OSBPL3: variants seen among roughly 807,000 people sequenced by gnomAD.
The protein encoded by OSBPL3 is oxysterol binding protein like 3.
OSBPL3 carries 65 observed loss-of-function variants against 120.1 expected under a neutral mutation model. The observed-to-expected ratio is 0.54, with a 90% CI of 0.44 to 0.67. The LOEUF (loss-of-function observed/expected upper bound fraction) is 0.67. Among genes scored for constraint, OSBPL3 ranks in the 30% least tolerant of loss-of-function variants. OSBPL3 has a pLI of 0.00. For synonymous variants in OSBPL3, 416 were observed against 402.6 expected (o/e 1.03, Z -0.40); for missense variants, 1,004 against 1,082.1 (o/e 0.93, Z 1.01).
At chr7:24,962,452 A>AGAGAGGAGGG in intron 1 of OSBPL3, among the ~76,000 whole-genome samples, 2 of 130,308 alleles carry the variant, frequency 1.5e-5, no homozygotes, top group Non-Finnish European at 3.3e-5. Context: ...AGAGAGGAGG[A>AGAGAGGAGGG]GAGAGGAGGA....
intron 1 of OSBPL3, among the ~76,000 whole-genome samples, chr7:24,957,604 CACTTAATGTTCTCTAA>C (rs1815221990): frequency 6.6e-6 from 1 of 152,112 alleles, no homozygotes; most frequent in South Asian, 2.1e-4. Context: ...TTAAATAATA[CACTTAATGTTCTCTAA>C]TATCAACCAC....
rs1423892133 is a variant in OSBPL3, at chr7:24,817,838, T to C, written c.1949-1150A>G. ...ACTAGGTGACAAGTTAGATACAGAC[T>C]GAAAAAGAACGAATTTATGAACAAT... On this transcript the variant is annotated intron_variant, in intron 17 of 22. Coordinates refer to ENST00000313367, the MANE Select transcript of OSBPL3 (RefSeq NM_015550.4). The surrounding 1 kb of genome is among the most constrained non-coding windows in gnomAD (Gnocchi z 4.0). Among the ~76,000 whole-genome samples the C allele has an allele frequency of 6.6e-6, 1 of 152,152 alleles. No homozygotes were observed. The highest frequency in any genetic ancestry group is 1.9e-4 in the East Asian group (1 of 5,200).
chr7:24,914,653 AAAGT>A (rs1181155006), intron 1 of OSBPL3, among the ~76,000 whole-genome samples: 1 of 152,166 alleles, frequency 6.6e-6, no homozygotes, highest in Non-Finnish European at 1.5e-5. Flanking sequence ...GAGTCACCAC[AAAGT>A]AAGATGGCCA....
chr7:24,950,191 C>T (rs565640030), intron 1 of OSBPL3, among the ~76,000 whole-genome samples: 1 of 152,272 alleles, frequency 6.6e-6, no homozygotes, highest in Non-Finnish European at 1.5e-5. Context: ...ATTAGTAATG[C>T]AATTAAGGCT....
At position 24,930,003 on chromosome 7, in the gene OSBPL3, T is replaced by C. The variant is rs1407624304; in HGVS notation, c.-149-37382A>G. 6.6e-6 allele frequency among the ~76,000 whole-genome samples: 1 copy of C among 152,156 alleles called. No homozygotes were observed. The highest frequency in any genetic ancestry group is 1.5e-5 in the Non-Finnish European group (1 of 68,026). ...TAGTCTTCACCTCTCTGGGTTCTCA[T>C]AGAGCAAGGTAAGGGTAAAGTAAAG... On this transcript the variant is annotated intron_variant, in intron 1 of 22. Transcript: ENST00000313367. The surrounding 1 kb of genome is among the most constrained non-coding windows in gnomAD (Gnocchi z 4.4).
At chr7:24,812,304 CAAA>C (rs57963279) in intron 19 of OSBPL3, among the ~76,000 whole-genome samples, 11 of 97,012 alleles carry the variant, frequency 1.1e-4, no homozygotes, top group African/African-American at 2.9e-4. Context: ...GACTCCATCT[CAAA>C]AAAAAAAAAA....
chr7:24,870,251 T>C (rs1801913608), intron 5 of OSBPL3, among the ~76,000 whole-genome samples: 1 of 152,174 alleles, frequency 6.6e-6, no homozygotes, highest in Non-Finnish European at 1.5e-5. Context: ...TTTGAAGTAC[T>C]ATTTGGGAAC....
rs1458222781 is a variant in OSBPL3, at chr7:24,819,199, G to A, written c.1948+976C>T. On this transcript the variant is annotated intron_variant, in intron 17 of 22. Coordinates refer to ENST00000313367, the MANE Select transcript of OSBPL3 (RefSeq NM_015550.4). This position sits in a 1 kb window ranked among gnomAD's most constrained non-coding sequence, Gnocchi z 4.1. ...ACACGGGAGACGGAGGTTGCAGTGA[G>A]CCGAGATCGCACCACTGCACTCCAG... Among the ~76,000 whole-genome samples the A allele has an allele frequency of 6.7e-6, 1 of 148,250 alleles. No homozygotes were observed. Among genetic ancestry groups the A allele is most frequent in the Admixed American group, 6.8e-5 (1 of 14,672 alleles).
chr7:24,804,873 T>TA lies in OSBPL3; in HGVS notation c.2445-437dup, dbSNP rs1792834733. On this transcript the variant is annotated intron_variant, in intron 21 of 22. Transcript: ENST00000313367. The surrounding 1 kb of genome is among the most constrained non-coding windows in gnomAD (Gnocchi z 5.4). Reference sequence around the variant, plus strand: ...TATCCCTTGATTTTTGGTTTTGGTTTATTTTTTATTTAACAATATATCTTA... The same window carrying TA: ...TATCCCTTGATTTTTGGTTTTGGTTTAATTTTTTATTTAACAATATATCTTA... 3.3e-5 allele frequency among the ~76,000 whole-genome samples: 5 copies of TA among 152,372 alleles called. No individual in the cohort carries two copies. In the South Asian group the frequency reaches 1.0e-3, roughly 32 times the overall value.
intron 2 of OSBPL3, among the ~76,000 whole-genome samples, chr7:24,874,293 G>A (rs138572121): frequency 6.6e-5 from 10 of 152,252 alleles, no homozygotes; most frequent in African/African-American, 2.4e-4. Flanking sequence ...AAAATCCTCT[G>A]GAAAGTACTC....
At position 24,862,418 on chromosome 7, in the gene OSBPL3, G is replaced by T. The variant is rs956937070; in HGVS notation, c.871-649C>A. On this transcript the variant is annotated intron_variant, in intron 9 of 22. Coordinates refer to ENST00000313367, the MANE Select transcript of OSBPL3 (RefSeq NM_015550.4). The surrounding 1 kb of genome is among the most constrained non-coding windows in gnomAD (Gnocchi z 4.4). ...GCAATAATCATCCATGTATCCAGGCGGTTAGTAATGGATAGGTTTAAAATG... is the reference window on the plus strand; with the variant it reads ...GCAATAATCATCCATGTATCCAGGCTGTTAGTAATGGATAGGTTTAAAATG... 6.6e-6 allele frequency among the ~76,000 whole-genome samples: 1 copy of T among 152,118 alleles called. No homozygotes were observed. Among genetic ancestry groups the T allele is most frequent in the Non-Finnish European group, 1.5e-5 (1 of 68,028 alleles).
rs995703510 is a variant in OSBPL3 at position 24,851,689 on chromosome 7, G to C, written c.1158+815C>G. ...ACAAGAAAAGAGTAAAAGCAAATCA[G>C]TATGCTATTTCAAAAGTTCTCTAGC... On this transcript the variant is annotated intron_variant, in intron 11 of 22. Transcript: ENST00000313367. This position sits in a 1 kb window ranked among gnomAD's most constrained non-coding sequence, Gnocchi z 4.1. Among the ~76,000 whole-genome samples, 1 of 151,550 alleles carries C rather than the reference G, an allele frequency of 6.6e-6. No individual in the cohort carries two copies. The highest frequency in any genetic ancestry group is 1.5e-5 in the Non-Finnish European group (1 of 67,946).
At chr7:24,864,947 T>C (rs1217111907) in intron 7 of OSBPL3, among the ~76,000 whole-genome samples, 1 of 152,200 alleles carries the variant, frequency 6.6e-6, no homozygotes, top group Non-Finnish European at 1.5e-5. Flanking sequence ...GTGATTCTAA[T>C]GTGCAGTCAG....
At chr7:24,844,984 T>C (rs1163238033) in intron 12 of OSBPL3, among the ~76,000 whole-genome samples, 1 of 152,176 alleles carries the variant, frequency 6.6e-6, no homozygotes, top group Admixed American at 6.5e-5. Flanking sequence ...TTATATAGTG[T>C]CACAGAGTAA....
chr7:24,842,318 A>G lies in OSBPL3; in HGVS notation c.1362T>C (p.Ala454=), dbSNP rs780258996. The part of the protein sequence containing the change: ...ITDSLSEFFD[A]QEVLLSPSSS... ...AGCTTGGAGATAACAGAACTTCCTGAGCATCAAAAAACTCAGAAAGGGAGT... is the reference window on the plus strand; with the variant it reads ...AGCTTGGAGATAACAGAACTTCCTGGGCATCAAAAAACTCAGAAAGGGAGT... Residue 454 remains alanine, a synonymous_variant, in exon 13 of 23, where the codon GCT becomes GCC. Transcript: ENST00000313367. 1.9e-6 allele frequency: 3 copies of G among 1,613,866 alleles called. No homozygotes were observed. The highest frequency in any genetic ancestry group is 4.5e-5 in the East Asian group (2 of 44,864).
Position 24,873,405 on chromosome 7 carries a change from T to C in OSBPL3, c.97-1336A>G, listed in dbSNP as rs910936310. Among the ~76,000 whole-genome samples the C allele has an allele frequency of 1.2e-4, 19 of 152,224 alleles. No individual in the cohort carries two copies. The highest frequency in any genetic ancestry group is 4.6e-4 in the African/African-American group (19 of 41,462). ...ACCCTTTCCTACGTTAGCAACTGAA[T>C]TCTTTACATAATGATCGTGATGGGT... On this transcript the variant is annotated intron_variant, in intron 2 of 22. Transcript: ENST00000313367. This position sits in a 1 kb window ranked among gnomAD's most constrained non-coding sequence, Gnocchi z 4.1.
intron 14 of OSBPL3, among the ~76,000 whole-genome samples, chr7:24,840,431 T>G (rs1302381570): frequency 2.6e-5 from 4 of 152,220 alleles, no homozygotes; most frequent in Non-Finnish European, 1.5e-5. Flanking sequence ...TCTGTTCTAA[T>G]GATTTTTTTA....
chr7:24,850,340 G>A (rs1798990692), intron 11 of OSBPL3, among the ~76,000 whole-genome samples: 1 of 152,210 alleles, frequency 6.6e-6, no homozygotes, highest in Admixed American at 6.5e-5. Context: ...GTCTGTGGAA[G>A]GGGGACAAGT....
intron 1 of OSBPL3, 34 bp from the exon 2 acceptor site, chr7:24,892,655 C>A (rs903135740): frequency 2.1e-5 from 28 of 1,303,516 alleles, no homozygotes; most frequent in Non-Finnish European, 2.7e-5. Flanking sequence ...AGGTCAGAGG[C>A]ATCAGATATC....
Sources: allele counts gnomAD v4.1 joint callset (sites outside exome capture counted in the v4.1 genomes callset), GRCh38; gene constraint gnomAD v4.1.1; non-coding constraint Gnocchi (gnomAD v3.1); transcripts MANE v1.5; gene names NCBI Gene and HGNC (gene_info 2026-07-23, HGNC 2026-07-21).